NEO1: variants seen among roughly 807,000 people sequenced by gnomAD.
NEO1 encodes the protein neogenin.
In NEO1, 63 loss-of-function variants were observed where a neutral mutation model predicts 159.7. The ratio of observed to expected loss-of-function variants is 0.39; its 90% CI spans 0.32 to 0.49. The LOEUF is 0.49. NEO1 is among the 20% of genes least tolerant of loss of function. The pLI, the probability that NEO1 is intolerant of heterozygous loss-of-function variation, is 0.85. For synonymous variants in NEO1, 633 were observed against 662.0 expected (o/e 0.96, Z 0.67); for missense variants, 1,615 against 1,831.0 (o/e 0.88, Z 2.15).
chr15:73,279,842 G>A (rs1298518265), intron 22 of NEO1, among the ~76,000 whole-genome samples: 4 of 152,168 alleles, frequency 2.6e-5, no homozygotes, highest in African/African-American at 9.7e-5. Context: ...ATCAGCATGT[G>A]CAGAGGCATG....
intron 7 of NEO1, among the ~76,000 whole-genome samples, chr15:73,200,475 A>T (rs1459349936): frequency 6.7e-6 from 1 of 149,914 alleles, no homozygotes; most frequent in East Asian, 2.0e-4. Flanking sequence ...AGGGAGAAGG[A>T]GCAGGAAAGG....
At chr15:73,168,027 A>T (rs1325362764) in intron 5 of NEO1, among the ~76,000 whole-genome samples, 1 of 152,160 alleles carries the variant, frequency 6.6e-6, no homozygotes, top group Non-Finnish European at 1.5e-5. Context: ...TTGAATTCTT[A>T]AGAAACTTGA....
At chr15:73,280,315 G>A (rs4381562) in intron 22 of NEO1, among the ~76,000 whole-genome samples, 64,698 of 151,812 alleles carry the variant, frequency 0.43, 15,275 homozygotes, top group Non-Finnish European at 0.53. Flanking sequence ...TGTTATAGTA[G>A]TCCAGATGAG....
intron 4 of NEO1, among the ~76,000 whole-genome samples, chr15:73,135,243 G>A (rs955275023): frequency 6.6e-6 from 1 of 152,106 alleles, no homozygotes; most frequent in African/African-American, 2.4e-5. Flanking sequence ...AAATAACTCT[G>A]TAGAGTTGGC....
intron 7 of NEO1, among the ~76,000 whole-genome samples, chr15:73,211,692 C>T (rs939040004): frequency 1.3e-5 from 2 of 152,016 alleles, no homozygotes; most frequent in African/African-American, 4.8e-5. Flanking sequence ...TCCAGCCTAG[C>T]GACAGAGCAA....
chr15:73,284,136 CAG>C (rs2041844498), intron 23 of NEO1, among the ~76,000 whole-genome samples: 1 of 150,862 alleles, frequency 6.6e-6, no homozygotes, highest in Non-Finnish European at 1.5e-5. Flanking sequence ...ACATTCAACT[CAG>C]ATATCTGGTT....
Position 73,142,679 on chromosome 15 carries a change from T to C in NEO1, c.1015+6652T>C, listed in dbSNP as rs918544892. Among the ~76,000 whole-genome samples the C allele has an allele frequency of 5.9e-5, 9 of 152,116 alleles. No individual in the cohort carries two copies. In the East Asian group the frequency reaches 7.7e-4, roughly 13 times the overall value. ...CAAAGGCTCCCCATCCCCACCTCAG[T>C]TTTTGGTAGGGCTTTTAATTTAACC... On this transcript the variant is annotated intron_variant, in intron 5 of 28. Transcript: ENST00000261908.
chr15:73,103,524 C>G (rs1164511377), intron 1 of NEO1, among the ~76,000 whole-genome samples: 1 of 152,198 alleles, frequency 6.6e-6, no homozygotes, highest in Non-Finnish European at 1.5e-5. Flanking sequence ...CGGTTAGATT[C>G]TCTTCATGTA....
At chr15:73,079,755 G>A (rs1015300745) in intron 1 of NEO1, among the ~76,000 whole-genome samples, 8 of 152,088 alleles carry the variant, frequency 5.3e-5, no homozygotes, top group Middle Eastern at 3.2e-3. Flanking sequence ...TTTCCTGGGC[G>A]GAAACGATAA....
intron 7 of NEO1, among the ~76,000 whole-genome samples, chr15:73,179,059 G>C (rs1452704015): frequency 6.6e-6 from 1 of 151,974 alleles, no homozygotes; most frequent in Non-Finnish European, 1.5e-5. Context: ...AAAAAACCAA[G>C]TTTATTATTT....
chr15:73,124,857 G>A (rs1230914332), intron 3 of NEO1, among the ~76,000 whole-genome samples: 1 of 151,988 alleles, frequency 6.6e-6, no homozygotes, highest in Non-Finnish European at 1.5e-5. Flanking sequence ...ACACTTTCTG[G>A]CACATAGAAG....
At position 73,223,942 on chromosome 15, in the gene NEO1, G is replaced by A. The variant is rs145420698; in HGVS notation, c.1292-12405G>A. On this transcript the variant is annotated intron_variant, in intron 7 of 28. Transcript: ENST00000261908. ...ACGTTCTGCTTTGATGTGTTTCCAG[G>A]ATTTGATTCAAGATGTAGAGCTCCT... 9.8e-4 allele frequency among the ~76,000 whole-genome samples: 149 copies of A among 152,266 alleles called. 2 individuals are homozygous for A. Among genetic ancestry groups the A allele is most frequent in the African/African-American group, 3.5e-3 (144 of 41,546 alleles).
intron 7 of NEO1, among the ~76,000 whole-genome samples, chr15:73,193,943 A>G (rs909718063): frequency 6.6e-6 from 1 of 152,084 alleles, no homozygotes; most frequent in South Asian, 2.1e-4. Flanking sequence ...TTACATGAAG[A>G]TGGGAAGAGG....
intron 7 of NEO1, 27 bp downstream of exon 7, chr15:73,178,454 A>T: frequency 6.2e-7 from 1 of 1,611,810 alleles, no homozygotes; most frequent in Non-Finnish European, 8.5e-7. Flanking sequence ...TAGTCAGATG[A>T]TAGAGGCTGT....
chr15:73,221,327 T>A (rs868120789), intron 7 of NEO1, among the ~76,000 whole-genome samples: 8 of 152,216 alleles, frequency 5.3e-5, no homozygotes, highest in Non-Finnish European at 7.3e-5. Context: ...GAAGTGTCAG[T>A]CTGCCCCTAC....
intron 22 of NEO1, among the ~76,000 whole-genome samples, chr15:73,280,254 C>A (rs1003338331): frequency 6.6e-6 from 1 of 151,640 alleles, no homozygotes; most frequent in Admixed American, 6.6e-5. Context: ...CCACTGCACT[C>A]CAGCCTGGGC....
chr15:73,084,647 C>T (rs2069251307), intron 1 of NEO1, among the ~76,000 whole-genome samples: 2 of 152,182 alleles, frequency 1.3e-5, no homozygotes, highest in South Asian at 4.1e-4. Flanking sequence ...TATTTCATTT[C>T]CTTTGGATAT....
At chr15:73,114,293 C>G (rs1445346835) in intron 1 of NEO1, among the ~76,000 whole-genome samples, 1 of 152,128 alleles carries the variant, frequency 6.6e-6, no homozygotes, top group Non-Finnish European at 1.5e-5. Context: ...GAAGCTAGAT[C>G]AGGTGGTGAC....
intron 7 of NEO1, among the ~76,000 whole-genome samples, chr15:73,194,216 A>G (rs892335559): frequency 1.3e-5 from 2 of 152,194 alleles, no homozygotes; most frequent in African/African-American, 4.8e-5. Flanking sequence ...CTGTCCTACC[A>G]TTTAGAAGGA....
Sources: gnomAD v4.1 joint callset for allele counts (sites outside exome capture counted in the v4.1 genomes callset) on GRCh38, gnomAD v4.1.1 for gene constraint, MANE v1.5 for transcripts, NCBI Gene and HGNC (gene_info 2026-07-23, HGNC 2026-07-21) for gene names.